GSAP: variants seen among roughly 807,000 people sequenced by gnomAD.
GSAP encodes the protein gamma-secretase-activating protein.
In GSAP, 118 loss-of-function variants were observed where a neutral mutation model predicts 131.7. The ratio of observed to expected loss-of-function variants is 0.90; its 90% CI spans 0.77 to 1.04. The LOEUF (loss-of-function observed/expected upper bound fraction) is 1.04. GSAP is among the 50% of genes least tolerant of loss of function. GSAP has a pLI of 0.00. For missense variants in GSAP, 1,019 were observed against 1,013.2 expected, an observed-to-expected ratio of 1.01 and a Z score of -0.08; for synonymous variants, 381 against 363.4, an observed-to-expected ratio of 1.05 and a Z score of -0.55.
intron 18 of GSAP, among the ~76,000 whole-genome samples, chr7:77,352,058 AG>A (rs1183035891): frequency 6.6e-6 from 1 of 152,230 alleles, no homozygotes; most frequent in Non-Finnish European, 1.5e-5. Flanking sequence ...TAAAAGACAA[AG>A]AAAAGGCCTT....
intron 14 of GSAP, among the ~76,000 whole-genome samples, chr7:77,356,024 TCAAG>T (rs144861072): frequency 0.32 from 48,089 of 151,038 alleles, 8,905 homozygotes; most frequent in African/African-American, 0.52. Flanking sequence ...ACTCCTGGGC[TCAAG>T]CAATCCTCCT....
Position 77,402,500 on chromosome 7 carries a change from CAGG to C in GSAP, c.243+2056_243+2058del, listed in dbSNP as rs1315422455. Among the ~76,000 whole-genome samples, 9 of 142,430 alleles carry C rather than the reference CAGG, an allele frequency of 6.3e-5. No homozygotes were observed. In the East Asian group the frequency reaches 1.8e-3, roughly 29 times the overall value. The allele number at this position is 142,430 out of a possible 152,430, so 93.4% of individuals were successfully genotyped here. The stretch of plus-strand genomic sequence containing the variant: ...GTTCCAGCTACTTGGGACGCTGAGG[CAGG>C]AGATTTGCTTGAACCCAGGAGGCGG... On this transcript the variant is annotated intron_variant, in intron 3 of 30. Coordinates refer to ENST00000257626, the MANE Select transcript of GSAP (RefSeq NM_017439.4).
chr7:77,360,070 C>G (rs1251340160), intron 14 of GSAP, among the ~76,000 whole-genome samples: 1 of 152,196 alleles, frequency 6.6e-6, no homozygotes, highest in Non-Finnish European at 1.5e-5. Context: ...TCACATTGCA[C>G]TCTCTCAAAC....
chr7:77,351,658 G>T, intron 18 of GSAP: 6 of 985,726 alleles, frequency 6.1e-6, no homozygotes, highest in Non-Finnish European at 7.2e-6. Flanking sequence ...CACCCTGTGC[G>T]TGTCCACAAT....
intron 8 of GSAP, among the ~76,000 whole-genome samples, chr7:77,378,813 C>A (rs1294049024): frequency 1.3e-5 from 2 of 152,076 alleles, no homozygotes; most frequent in Non-Finnish European, 2.9e-5. Flanking sequence ...TAACTTTCCT[C>A]AAAATGCTTA....
chr7:77,360,000 G>C (rs573112620), intron 14 of GSAP, among the ~76,000 whole-genome samples: 19 of 152,276 alleles, frequency 1.2e-4, no homozygotes, highest in South Asian at 4.1e-4. Flanking sequence ...CCCACTCAGC[G>C]TAAGTATCCA....
At chr7:77,315,359 A>G (rs1584202267) in intron 26 of GSAP, 1 of 152,304 alleles carries the variant, frequency 6.6e-6, no homozygotes, top group East Asian at 1.9e-4. Context: ...CTAAATTGGA[A>G]CCACCAGTAC....
At position 77,314,432 on chromosome 7, in the gene GSAP, A is replaced by G; in HGVS notation, c.2147T>C (p.Leu716Pro). 1.2e-6 allele frequency: 2 copies of G among 1,613,848 alleles called. No homozygotes were observed. Among genetic ancestry groups the G allele is most frequent in the Non-Finnish European group, 1.7e-6 (2 of 1,179,756 alleles). The change falls in exon 27 of 31, where the codon CTG (leucine) becomes CCG (proline). Residue 716 changes from leucine to proline, a missense_variant. By Grantham distance (98) the Leu-to-Pro change is moderately conservative (BLOSUM62 -3). Transcript: ENST00000257626. ...CAACACTCCACTGTCAATGCAATGC[A>G]GCAGGTTATGCAAAGGGAGACACTG... ...GVQCLPLHNLLHCIDSGVLLL... is the reference protein window; with the variant it reads ...GVQCLPLHNLPHCIDSGVLLL...
At chr7:77,361,830 G>A (rs1442381969) in intron 13 of GSAP, among the ~76,000 whole-genome samples, 1 of 152,092 alleles carries the variant, frequency 6.6e-6, no homozygotes, top group Non-Finnish European at 1.5e-5. Flanking sequence ...CTTCTCCCTA[G>A]ATTGTTTATC....
At chr7:77,363,567 C>G (rs983907877) in intron 12 of GSAP, among the ~76,000 whole-genome samples, 6 of 152,118 alleles carry the variant, frequency 3.9e-5, no homozygotes, top group Non-Finnish European at 5.9e-5. Context: ...CTCTACTTTC[C>G]TTCATTAGTT....
At chr7:77,342,140 C>T (rs1023442149) in intron 19 of GSAP, among the ~76,000 whole-genome samples, 2 of 152,232 alleles carry the variant, frequency 1.3e-5, no homozygotes, top group Non-Finnish European at 1.5e-5. Context: ...CTGACTCCTT[C>T]CCAGATCTTC....
In GSAP at chr7:77,355,446, A is replaced by C. The variant is rs764983406; in HGVS notation, c.1121-16T>G. The C allele has an allele frequency of 3.2e-6, 5 of 1,573,074 alleles. No homozygotes were observed. The highest frequency in any genetic ancestry group is 1.8e-5 in the Admixed American group (1 of 54,916). ...TCATTATTTCCTGGCAAAAAAAAAA[A>C]AAACAGTAGATCAGCAAATAGAAGA... On this transcript the variant is annotated splice_polypyrimidine_tract_variant and intron_variant, in intron 15 of 30. Transcript: ENST00000257626.
At chr7:77,319,783 C>T (rs1787378751) in intron 26 of GSAP, among the ~76,000 whole-genome samples, 1 of 152,094 alleles carries the variant, frequency 6.6e-6, no homozygotes. Context: ...AAGCCAGTCA[C>T]AGGACAGATA....
chr7:77,376,469 T>C (rs553683505), intron 10 of GSAP, among the ~76,000 whole-genome samples: 5 of 152,302 alleles, frequency 3.3e-5, no homozygotes, highest in African/African-American at 1.2e-4. Context: ...ATGATAACAA[T>C]TCTCTTAAAA....
intron 3 of GSAP, among the ~76,000 whole-genome samples, chr7:77,402,458 G>A (rs1801492341): frequency 6.7e-6 from 1 of 148,544 alleles, no homozygotes; most frequent in African/African-American, 2.4e-5. Context: ...AGCTGGGCGT[G>A]GTGGCACACA....
At chr7:77,328,999 G>C (rs1788704642) in intron 21 of GSAP, among the ~76,000 whole-genome samples, 1 of 148,832 alleles carries the variant, frequency 6.7e-6, no homozygotes, top group Non-Finnish European at 1.5e-5. Flanking sequence ...AAGCTCACTA[G>C]CCCACTGACA....
intron 3 of GSAP, among the ~76,000 whole-genome samples, chr7:77,401,644 C>T (rs527643384): frequency 6.6e-5 from 10 of 152,256 alleles, no homozygotes; most frequent in African/African-American, 2.4e-4. Context: ...AACCTTAGAA[C>T]ATCAGAAAGA....
chr7:77,351,392 T>C (rs1242720678), intron 18 of GSAP: 3 of 976,664 alleles, frequency 3.1e-6, no homozygotes, highest in Admixed American at 6.2e-5. Context: ...GTGAAATCCA[T>C]GTTTTCGCCT....
chr7:77,349,406 T>C lies in GSAP; in HGVS notation c.1492-2A>G, dbSNP rs763739527. The C allele has an allele frequency of 9.3e-6, 15 of 1,611,836 alleles. No homozygotes were observed. The highest frequency in any genetic ancestry group is 1.3e-5 in the Non-Finnish European group (15 of 1,178,662). On this transcript the variant is annotated splice_acceptor_variant, in intron 18 of 30. Transcript: ENST00000257626. LOFTEE classifies it high-confidence loss of function. The stretch of plus-strand genomic sequence containing the variant: ...CACAAGAGTTATTCCAGGAATTTCC[T>C]ATAGTGGGGAAAAACACACACACAC...
Sources: allele counts gnomAD v4.1 joint callset (sites outside exome capture counted in the v4.1 genomes callset), GRCh38; gene constraint gnomAD v4.1.1; transcripts MANE v1.5; gene names NCBI Gene and HGNC (gene_info 2026-07-23, HGNC 2026-07-21).